The following RFC1 variants were observed in gnomAD, a reference collection of about 807,000 sequenced individuals.
The protein encoded by RFC1 is A1 140 kDa subunit.
In RFC1, 37 loss-of-function variants were observed where a neutral mutation model predicts 137.4. The observed-to-expected ratio is 0.27, with a 90% confidence interval of 0.21 to 0.35. RFC1 has a LOEUF of 0.35. Among genes scored for constraint, RFC1 ranks in the 10% least tolerant of loss-of-function variants. The pLI is 1.00. For missense variants in RFC1, 1,205 were observed against 1,358.5 expected, an observed-to-expected ratio of 0.89 and a Z score of 1.78; for synonymous variants, 429 against 455.7, an observed-to-expected ratio of 0.94 and a Z score of 0.75.
At chr4:39,341,649 TC>T (rs1264206768) in intron 4 of RFC1, 1 of 456,126 alleles carries the variant, frequency 2.2e-6, no homozygotes, top group East Asian at 6.9e-5. Flanking sequence ...CCCGTATTAT[TC>T]CGGTTATTGT....
intron 4 of RFC1, among the ~76,000 whole-genome samples, chr4:39,340,395 T>A (rs2109726069): frequency 6.6e-6 from 1 of 152,292 alleles, no homozygotes; most frequent in South Asian, 2.1e-4. Flanking sequence ...TTTAAACTAT[T>A]ACACAAATAT....
intron 2 of RFC1, among the ~76,000 whole-genome samples, chr4:39,346,015 A>G (rs987724623): frequency 5.9e-5 from 9 of 152,230 alleles, no homozygotes; most frequent in African/African-American, 2.2e-4. Context: ...TAATTACAGA[A>G]AACGCTATAT....
intron 7 of RFC1, chr4:39,321,587 T>C (rs1739524055): frequency 4.3e-6 from 2 of 464,862 alleles, no homozygotes; most frequent in Non-Finnish European, 7.6e-6. Context: ...TGAAAGGGTA[T>C]AAAAATACAT....
At chr4:39,317,137 G>T in intron 9 of RFC1, 115 bp from the exon 10 acceptor site, 1 of 639,744 alleles carries the variant, frequency 1.6e-6, no homozygotes, top group Non-Finnish European at 2.7e-6. Flanking sequence ...GTCTGGCTGT[G>T]AAATTAACAG....
At chr4:39,324,515 TTGTAGTTTA>T (rs1199991212) in intron 6 of RFC1, among the ~76,000 whole-genome samples, 6 of 152,242 alleles carry the variant, frequency 3.9e-5, no homozygotes, top group Non-Finnish European at 8.8e-5. Flanking sequence ...GGATACTCGC[TTGTAGTTTA>T]TGTAATTCAG....
chr4:39,335,489 A>G (rs1291790905), intron 4 of RFC1, among the ~76,000 whole-genome samples: 1 of 152,196 alleles, frequency 6.6e-6, no homozygotes, highest in Admixed American at 6.6e-5. Flanking sequence ...AGTCAGTTAT[A>G]TTTTTAAAAT....
chr4:39,330,838 T>C (rs1482233709), intron 4 of RFC1, among the ~76,000 whole-genome samples: 1 of 152,130 alleles, frequency 6.6e-6, no homozygotes, highest in East Asian at 1.9e-4. Context: ...CTGATACAAT[T>C]AACAGATTTC....
chr4:39,358,669 C>A (rs1741599993), intron 1 of RFC1, among the ~76,000 whole-genome samples: 1 of 152,178 alleles, frequency 6.6e-6, no homozygotes, highest in Admixed American at 6.5e-5. Context: ...AGGTGCTCTC[C>A]CACTAATCAT....
intron 6 of RFC1, 33 bp from the exon 7 acceptor site, chr4:39,323,450 GCT>G: frequency 6.4e-7 from 1 of 1,570,794 alleles, no homozygotes; most frequent in Non-Finnish European, 8.7e-7. Context: ...GAGTTGAGTT[GCT>G]CTTTTTCTTT....
chr4:39,288,504 T>C lies in RFC1; in HGVS notation c.*257A>G, dbSNP rs1005043853. The C allele has an allele frequency of 3.2e-6, 1 of 316,026 alleles. No homozygotes were observed. Among genetic ancestry groups the C allele is most frequent in the African/African-American group, 2.1e-5 (1 of 46,532 alleles). The allele number at this position is 316,026 out of a possible 1,614,324, so 19.6% of individuals were successfully genotyped here. A position where few individuals can be genotyped will look rare whatever the true frequency, so the allele number is the denominator to read the frequency against. On this transcript the variant is annotated 3_prime_UTR_variant, in exon 25 of 25. Transcript: ENST00000349703. ...GTAGTTTCTAGTTCCAATTCTACAG[T>C]CATTCAGAAGCACGTCTAACTAGAT...
chr4:39,298,652 C>T (rs746302946), intron 21 of RFC1, among the ~76,000 whole-genome samples: 17 of 152,006 alleles, frequency 1.1e-4, no homozygotes, highest in South Asian at 2.1e-4. Flanking sequence ...TTCTAGAAGC[C>T]GCTACTCAGT....
intron 1 of RFC1, among the ~76,000 whole-genome samples, chr4:39,360,392 A>G (rs1741693769): frequency 6.6e-6 from 1 of 152,090 alleles, no homozygotes; most frequent in South Asian, 2.1e-4. Context: ...AGTCCCAGCT[A>G]TTTGGGAGGC....
At chr4:39,311,404 T>G (rs1214769002) in intron 12 of RFC1, 41 bp downstream of exon 12, 1 of 1,535,878 alleles carries the variant, frequency 6.5e-7, no homozygotes, top group African/African-American at 1.4e-5. Context: ...AATTAAAAAG[T>G]TAATATACAC....
chr4:39,308,545 A>G, intron 13 of RFC1, 91 bp downstream of exon 13: 1 of 1,489,824 alleles, frequency 6.7e-7, no homozygotes, highest in Non-Finnish European at 9.1e-7. Flanking sequence ...CTGACAGATG[A>G]ATGAATCGTT....
At chr4:39,306,389 C>T (rs1738656691) in intron 14 of RFC1, among the ~76,000 whole-genome samples, 1 of 152,148 alleles carries the variant, frequency 6.6e-6, no homozygotes, top group African/African-American at 2.4e-5. Flanking sequence ...ACTTTAATTA[C>T]CAATATTTTA....
intron 2 of RFC1, among the ~76,000 whole-genome samples, chr4:39,348,298 CT>C (rs911434090): frequency 6.7e-6 from 1 of 150,348 alleles, no homozygotes; most frequent in Admixed American, 6.7e-5. Context: ...TGGCACGCGA[CT>C]ATAGTCCCAG....
intron 17 of RFC1, 44 bp from the exon 18 acceptor site, chr4:39,302,639 A>G (rs1397916991): frequency 2.0e-6 from 3 of 1,489,392 alleles, no homozygotes; most frequent in Non-Finnish European, 2.7e-6. Flanking sequence ...TTTAACTCAT[A>G]TAATCAGGTA....
chr4:39,310,405 A>T (rs868419631), intron 12 of RFC1, among the ~76,000 whole-genome samples: 19 of 152,320 alleles, frequency 1.2e-4, no homozygotes, highest in African/African-American at 3.4e-4. Flanking sequence ...GGTTTTTATA[A>T]CTATGCTATG....
chr4:39,330,656 A>G (rs1182746897), intron 4 of RFC1, among the ~76,000 whole-genome samples: 2 of 152,194 alleles, frequency 1.3e-5, no homozygotes, highest in East Asian at 1.9e-4. Flanking sequence ...ATTCAATGAG[A>G]TAAGTTAGCA....
Sources: allele counts gnomAD v4.1 joint callset (sites outside exome capture counted in the v4.1 genomes callset), GRCh38; gene constraint gnomAD v4.1.1; transcripts MANE v1.5; gene names NCBI Gene and HGNC (gene_info 2026-07-23, HGNC 2026-07-21).